ADGRD1: variants seen among roughly 807,000 people sequenced by gnomAD.
The protein encoded by ADGRD1 is adhesion G protein-coupled receptor D1, also known as G-protein coupled receptor 133.
Under a neutral mutation model 113.4 loss-of-function variants are expected in ADGRD1, and 77 were observed. That is an observed-to-expected ratio of 0.68 (90% CI 0.57 to 0.82). The LOEUF is 0.82. Ranked by LOEUF, ADGRD1 falls within the 40% of genes least tolerant of loss-of-function variation. The pLI, the probability that ADGRD1 is intolerant of heterozygous loss-of-function variation, is 0.00. For missense variants in ADGRD1, 1,036 were observed against 1,139.1 expected, an observed-to-expected ratio of 0.91 and a Z score of 1.30; for synonymous variants, 474 against 475.0, an observed-to-expected ratio of 1.00 and a Z score of 0.03.
At chr12:131,130,291 G>A (rs888195896) in intron 20 of ADGRD1, among the ~76,000 whole-genome samples, 7 of 152,216 alleles carry the variant, frequency 4.6e-5, no homozygotes, top group Admixed American at 1.3e-4. Flanking sequence ...AGGTGCATCC[G>A]ACTGTCAGCT....
At chr12:131,110,471 A>G (rs1950325437) in intron 18 of ADGRD1, among the ~76,000 whole-genome samples, 1 of 152,070 alleles carries the variant, frequency 6.6e-6, no homozygotes, top group Non-Finnish European at 1.5e-5. Flanking sequence ...CATTATTTTT[A>G]TATAGGCATA....
intron 13 of ADGRD1, among the ~76,000 whole-genome samples, chr12:131,032,324 G>A (rs1374979125): frequency 2.0e-5 from 3 of 152,140 alleles, no homozygotes; most frequent in South Asian, 2.1e-4. Flanking sequence ...TCGCGACCCC[G>A]CCTAGATCCT....
At chr12:131,073,565 C>T (rs1885344159) in intron 13 of ADGRD1, among the ~76,000 whole-genome samples, 1 of 152,180 alleles carries the variant, frequency 6.6e-6, no homozygotes, top group Non-Finnish European at 1.5e-5. Flanking sequence ...ACGTAGCTCC[C>T]CAAATTATTT....
rs766352189 is a variant in ADGRD1 at position 130,987,182 on chromosome 12, C to A, written c.578C>A (p.Pro193Gln). The change falls in exon 6 of 25, where the codon CCG becomes CAG. Residue 193 changes from proline (P) to glutamine (Q), a missense_variant. Pro to Gln is a moderately conservative substitution (Grantham distance 76). Transcript: ENST00000261654. ...AACGGGACCCTGAGCACCTCTGATC[C>A]GAGTGGAAAAGTGTCTCGTGACTAT... ...YVNGTLSTSDPSGKVSRDYGE... is the reference protein window; with the variant it reads ...YVNGTLSTSDQSGKVSRDYGE... 2.5e-6 allele frequency: 4 copies of A among 1,614,148 alleles called. No individual in the cohort carries two copies. The South Asian group carries it at 3.3e-5, about 13-fold the overall frequency.
At chr12:131,004,487 T>C (rs1876849216) in intron 11 of ADGRD1, among the ~76,000 whole-genome samples, 191 bp downstream of exon 11, 1 of 152,032 alleles carries the variant, frequency 6.6e-6, no homozygotes, top group Non-Finnish European at 1.5e-5. Flanking sequence ...TCAAAGCGTG[T>C]CCTCAGGCCA....
chr12:131,108,307 C>T (rs528397897), intron 17 of ADGRD1, among the ~76,000 whole-genome samples: 3 of 152,316 alleles, frequency 2.0e-5, no homozygotes, highest in East Asian at 3.9e-4. Context: ...CTGGGAGCCA[C>T]GTGGCTTCCA....
chr12:131,104,761 C>A lies in ADGRD1; in HGVS notation c.1672-70C>A. On this transcript the variant is annotated intron_variant, in intron 15 of 24. Coordinates refer to ENST00000261654, the MANE Select transcript of ADGRD1 (RefSeq NM_198827.5). Reference sequence around the variant, plus strand: ...GGGACCAGCTGTGCACCCACCTGGGCCCTCTGCAGCTTCAGGCTCCGATGG... The same window carrying A: ...GGGACCAGCTGTGCACCCACCTGGGACCTCTGCAGCTTCAGGCTCCGATGG... 5 of 1,059,728 alleles carry A rather than the reference C, an allele frequency of 4.7e-6. 1 individual carries two copies. The highest frequency in any genetic ancestry group is 4.2e-5 in the South Asian group (3 of 72,148). 65.6% of individuals were successfully genotyped at this position (1,059,728 alleles called of 1,614,324 possible). A position where few individuals can be genotyped will look rare whatever the true frequency, so the allele number is the denominator to read the frequency against.
At chr12:131,125,000 C>A (rs1418314124) in intron 20 of ADGRD1, among the ~76,000 whole-genome samples, 2 of 152,164 alleles carry the variant, frequency 1.3e-5, no homozygotes, top group African/African-American at 4.8e-5. Flanking sequence ...TCTCCCGAGG[C>A]CTCTCTCCTT....
chr12:130,991,202 A>T (rs1476792891), intron 7 of ADGRD1, 124 bp downstream of exon 7: 4 of 712,266 alleles, frequency 5.6e-6, no homozygotes, highest in Non-Finnish European at 9.6e-6. Context: ...TTGTCTGGGA[A>T]GAAATAACAA....
rs1036860422 is a variant in ADGRD1 at position 131,027,366 on chromosome 12, T to A, written c.1473+13026T>A. On this transcript the variant is annotated intron_variant, in intron 13 of 24. Transcript: ENST00000261654. The surrounding 1 kb of genome is among the most constrained non-coding windows in gnomAD (Gnocchi z 5.1). Reference sequence around the variant, plus strand: ...TCTGCTATCCGTGCCGTTTCGCAGCTTCAGTTTTTAAATTTACCATGTCTA... The same window carrying A: ...TCTGCTATCCGTGCCGTTTCGCAGCATCAGTTTTTAAATTTACCATGTCTA... 1 of 152,190 alleles carries A rather than the reference T, an allele frequency of 6.6e-6. No individual in the cohort carries two copies. The highest frequency in any genetic ancestry group is 1.5e-5 in the Non-Finnish European group (1 of 68,042). 9.4% of individuals were successfully genotyped at this position (152,190 alleles called of 1,614,324 possible). A position where few individuals can be genotyped will look rare whatever the true frequency, so the allele number is the denominator to read the frequency against.
At chr12:131,121,027 G>A (rs1186979990) in intron 20 of ADGRD1, 114 bp downstream of exon 20, 7 of 906,158 alleles carry the variant, frequency 7.7e-6, no homozygotes, top group African/African-American at 5.0e-5. Flanking sequence ...AGGATGCAGC[G>A]TCGTTCCTCG....
At chr12:131,136,691 C>T (rs554930349) in intron 22 of ADGRD1, among the ~76,000 whole-genome samples, 1 of 152,252 alleles carries the variant, frequency 6.6e-6, no homozygotes, top group Non-Finnish European at 1.5e-5. Context: ...CCGGAAGTGC[C>T]TGCCCTTGCC....
At chr12:131,048,276 G>A (rs1883041155) in intron 13 of ADGRD1, among the ~76,000 whole-genome samples, 1 of 152,190 alleles carries the variant, frequency 6.6e-6, no homozygotes, top group South Asian at 2.1e-4. Context: ...ACGGTGGGTG[G>A]GCAGCCCCGC....
intron 5 of ADGRD1, among the ~76,000 whole-genome samples, chr12:130,985,002 A>C (rs1341129800): frequency 6.6e-6 from 1 of 151,256 alleles, no homozygotes; most frequent in East Asian, 1.9e-4. Flanking sequence ...TGGTGCAATC[A>C]CAGCTTACTG....
chr12:131,131,860 C>A, intron 21 of ADGRD1, 44 bp downstream of exon 21: 1 of 1,272,998 alleles, frequency 7.9e-7, no homozygotes, highest in Non-Finnish European at 1.2e-6. Context: ...GCCCTTCTGC[C>A]CCCAGAGGAT....
intron 13 of ADGRD1, among the ~76,000 whole-genome samples, chr12:131,018,560 AC>A (rs975030177): frequency 1.2e-4 from 18 of 152,158 alleles, no homozygotes; most frequent in African/African-American, 4.3e-4. Flanking sequence ...GGCCACGAGG[AC>A]CCGTATGTTA....
chr12:131,136,682 C>T (rs1344056141), intron 22 of ADGRD1, among the ~76,000 whole-genome samples: 4 of 152,240 alleles, frequency 2.6e-5, no homozygotes, highest in South Asian at 4.1e-4. Flanking sequence ...GCACGTCTTC[C>T]GGAAGTGCCT....
At chr12:131,129,299 G>T (rs1950841955) in intron 20 of ADGRD1, among the ~76,000 whole-genome samples, 1 of 140,334 alleles carries the variant, frequency 7.1e-6, no homozygotes, top group Non-Finnish European at 1.5e-5. Context: ...GTGAGTGGCA[G>T]CCCCGCCCTG....
chr12:131,028,507 T>A (rs1280289187), intron 13 of ADGRD1, among the ~76,000 whole-genome samples: 1 of 152,226 alleles, frequency 6.6e-6, no homozygotes, highest in Non-Finnish European at 1.5e-5. Context: ...GGTGGAGGAA[T>A]CCTGCCTAAC....
Sources: allele counts gnomAD v4.1 joint callset (sites outside exome capture counted in the v4.1 genomes callset), GRCh38; gene constraint gnomAD v4.1.1; non-coding constraint Gnocchi (gnomAD v3.1); transcripts MANE v1.5; gene names NCBI Gene and HGNC (gene_info 2026-07-23, HGNC 2026-07-21).